The following SEMA3A variants were observed in gnomAD, a reference collection of about 807,000 sequenced individuals.
SEMA3A encodes the protein semaphorin 3A, also known as semaphorin-3A.
Under a neutral mutation model 97.9 loss-of-function variants are expected in SEMA3A, and 29 were observed. The observed-to-expected ratio is 0.30, with a 90% CI of 0.22 to 0.40. SEMA3A has a LOEUF of 0.40. Among genes scored for constraint, SEMA3A ranks in the 10% least tolerant of loss-of-function variants. The pLI is 1.00. For missense variants in SEMA3A, 763 were observed against 951.3 expected (o/e 0.80, Z 2.60); for synonymous variants, 321 against 323.7 (o/e 0.99, Z 0.09).
intron 15 of SEMA3A, among the ~76,000 whole-genome samples, chr7:83,975,095 T>C (rs1341548083): frequency 6.6e-6 from 1 of 152,162 alleles, no homozygotes; most frequent in East Asian, 1.9e-4. Flanking sequence ...ATCTTTAATA[T>C]CTGAAACACT....
intron 1 of SEMA3A, among the ~76,000 whole-genome samples, chr7:84,416,637 G>A (rs1457882024): frequency 6.6e-6 from 1 of 152,094 alleles, no homozygotes; most frequent in African/African-American, 2.4e-5. Context: ...AAGGTTTGAA[G>A]TTGAAAAAAC....
At chr7:84,306,768 C>T (rs1801166655) in intron 3 of SEMA3A, among the ~76,000 whole-genome samples, 1 of 152,118 alleles carries the variant, frequency 6.6e-6, no homozygotes, top group South Asian at 2.1e-4. Flanking sequence ...CTGAGTGTGG[C>T]ACTCAGCCTT....
In SEMA3A at chr7:84,014,367, T is replaced by C; in HGVS notation, c.668-16A>G. 6.3e-7 allele frequency: 1 copy of C among 1,583,682 alleles called. No homozygotes were observed. Among genetic ancestry groups the C allele is most frequent in the Non-Finnish European group, 8.6e-7 (1 of 1,156,476 alleles). On this transcript the variant is annotated splice_polypyrimidine_tract_variant and intron_variant, in intron 6 of 16. Transcript: ENST00000265362. ...AACTTTGGATCTGAGAGACAAATAA[T>C]AGCGTATATATTAATTCACAGCTTA... is the stretch of plus-strand genomic sequence containing the variant.
chr7:84,308,741 C>A (rs536199393), intron 2 of SEMA3A, among the ~76,000 whole-genome samples: 1 of 151,818 alleles, frequency 6.6e-6, no homozygotes, highest in Non-Finnish European at 1.5e-5. Context: ...GATCAGGAAG[C>A]GGCACTGAGG....
chr7:84,342,049 T>A (rs1027185986), intron 2 of SEMA3A, among the ~76,000 whole-genome samples: 1 of 152,154 alleles, frequency 6.6e-6, no homozygotes, highest in Non-Finnish European at 1.5e-5. Context: ...TAATTTTTTT[T>A]TTTTTGACGG....
At chr7:83,981,505 A>C (rs2116319729) in intron 13 of SEMA3A, 27 bp from the exon 14 acceptor site, 1 of 1,536,560 alleles carries the variant, frequency 6.5e-7, no homozygotes, top group African/African-American at 1.4e-5. Flanking sequence ...CTGCTGTGAC[A>C]AAAACTATCT....
intron 3 of SEMA3A, among the ~76,000 whole-genome samples, chr7:84,275,692 T>C (rs1562882551): frequency 1.3e-5 from 2 of 152,036 alleles, no homozygotes; most frequent in Admixed American, 6.6e-5. Context: ...CTCTTTAATA[T>C]AATAACCATT....
At chr7:84,486,209 G>A (rs559793400) in intron 1 of SEMA3A, among the ~76,000 whole-genome samples, 1 of 152,084 alleles carries the variant, frequency 6.6e-6, no homozygotes, top group Admixed American at 6.6e-5. Context: ...CCAGCATGGT[G>A]AAACCCTGTC....
intron 1 of SEMA3A, among the ~76,000 whole-genome samples, chr7:84,412,304 C>T (rs1042534443): frequency 2.1e-4 from 32 of 152,078 alleles, no homozygotes; most frequent in African/African-American, 7.7e-4. Flanking sequence ...TCATCCCCAG[C>T]TGCATCTCTA....
intron 2 of SEMA3A, among the ~76,000 whole-genome samples, chr7:84,352,243 A>G (rs77261431): frequency 0.012 from 1,751 of 152,040 alleles, 49 homozygotes; most frequent in East Asian, 0.11. Context: ...GGTTAGTGGA[A>G]AGTGGGAGAA....
chr7:84,273,793 C>G (rs935825568), intron 3 of SEMA3A, among the ~76,000 whole-genome samples: 2 of 151,780 alleles, frequency 1.3e-5, no homozygotes, highest in Non-Finnish European at 2.9e-5. Flanking sequence ...CTATTTTTTT[C>G]TTTACTATTA....
At chr7:84,328,304 A>G (rs1266942877) in intron 2 of SEMA3A, among the ~76,000 whole-genome samples, 2 of 152,000 alleles carry the variant, frequency 1.3e-5, no homozygotes, top group East Asian at 3.9e-4. Flanking sequence ...TTGCCACAAT[A>G]CCATTTGATA....
intron 15 of SEMA3A, among the ~76,000 whole-genome samples, chr7:83,973,478 A>G (rs1033082983): frequency 2.0e-5 from 3 of 151,910 alleles, no homozygotes; most frequent in African/African-American, 7.3e-5. Context: ...AAAGGTAGGG[A>G]TTACTTTTAG....
At chr7:83,974,533 T>C (rs1445358694) in intron 15 of SEMA3A, among the ~76,000 whole-genome samples, 2 of 152,290 alleles carry the variant, frequency 1.3e-5, no homozygotes, top group Admixed American at 6.5e-5. Context: ...TGCTTCCACA[T>C]GAGCACATAT....
intron 3 of SEMA3A, among the ~76,000 whole-genome samples, chr7:84,226,365 TA>T (rs1195255015): frequency 6.6e-6 from 1 of 151,870 alleles, no homozygotes; most frequent in Non-Finnish European, 1.5e-5. Flanking sequence ...TTACAAAAAC[TA>T]AAAAAACAGA....
At chr7:84,173,972 C>T (rs1030026260) in intron 1 of SEMA3A, among the ~76,000 whole-genome samples, 3 of 152,054 alleles carry the variant, frequency 2.0e-5, no homozygotes, top group South Asian at 4.1e-4. Context: ...GGAGCTGAGC[C>T]GGTGATGCTA....
chr7:84,101,154 G>C (rs1046509634), intron 4 of SEMA3A, among the ~76,000 whole-genome samples: 1 of 152,046 alleles, frequency 6.6e-6, no homozygotes, highest in Non-Finnish European at 1.5e-5. Context: ...TAGCAATTTA[G>C]ATTATGATAT....
intron 1 of SEMA3A, among the ~76,000 whole-genome samples, chr7:84,155,032 G>A (rs564079897): frequency 1.9e-4 from 29 of 152,182 alleles, no homozygotes; most frequent in Admixed American, 4.6e-4. Flanking sequence ...TGAGAGCTGT[G>A]GAATCCTTAA....
intron 1 of SEMA3A, among the ~76,000 whole-genome samples, chr7:84,484,138 AAC>A (rs1806515160): frequency 6.6e-6 from 1 of 152,248 alleles, no homozygotes; most frequent in African/African-American, 2.4e-5. Flanking sequence ...TTAAGAAAAA[AAC>A]AGTGTTGATA....
Sources: allele counts gnomAD v4.1 joint callset (sites outside exome capture counted in the v4.1 genomes callset), GRCh38; gene constraint gnomAD v4.1.1; transcripts MANE v1.5; gene names NCBI Gene and HGNC (gene_info 2026-07-23, HGNC 2026-07-21).